Variants in PINX1 observed in about 807,000 individuals in gnomAD.
PINX1 encodes the protein PIN2 (TERF1) interacting telomerase inhibitor 1, also known as PIN2/TERF1-interacting telomerase inhibitor 1.
Under a neutral mutation model 25.4 loss-of-function variants are expected in PINX1, and 34 were observed. That is an observed-to-expected ratio of 1.34 (90% CI 1.02 to 1.78). The LOEUF (loss-of-function observed/expected upper bound fraction) is 1.78. Among genes scored for constraint, PINX1 ranks in the 40% most tolerant of loss-of-function variants. The pLI is 0.00. For synonymous variants in PINX1, 197 were observed against 147.7 expected (o/e 1.33, Z -2.42); for missense variants, 592 against 404.9 (o/e 1.46, Z -3.97).
Position 10,832,937 on chromosome 8 carries a change from T to C in PINX1, c.177A>G (p.Gln59=). The C allele has an allele frequency of 1.2e-6, 2 of 1,612,504 alleles. No individual in the cohort carries two copies. Among genetic ancestry groups the C allele is most frequent in the Non-Finnish European group, 1.7e-6 (2 of 1,179,170 alleles). Residue 59 remains glutamine (Q), a synonymous_variant, in exon 3 of 7, where the codon CAA becomes CAG. Coordinates refer to ENST00000314787, the MANE Select transcript of PINX1 (RefSeq NM_017884.6). Reference sequence around the variant, plus strand: ...CGAGTCCCAGGTGGTTATTTTTCACTTGAACTTTAATATGATCTGTGGCTC... The same window carrying C: ...CGAGTCCCAGGTGGTTATTTTTCACCTGAACTTTAATATGATCTGTGGCTC... ...EQGATDHIKV[Q]VKNNHLGLGA... is the part of the protein sequence containing the mutation.
intron 6 of PINX1, among the ~76,000 whole-genome samples, chr8:10,777,809 G>A (rs945866501): frequency 6.6e-6 from 1 of 152,134 alleles, no homozygotes; most frequent in Admixed American, 6.6e-5. Context: ...TGCCTTGTGC[G>A]ACTGGCTCCT....
rs766628518 is a variant in PINX1 at position 10,765,932 on chromosome 8, G to C, written c.472-16C>G. ...TGGCATCGCCCTATGGTGGGCAGAA[G>C]AGTTAAAAGGCAGGTAAGCATCAAC... On this transcript the variant is annotated splice_polypyrimidine_tract_variant and intron_variant, in intron 6 of 6. Transcript: ENST00000314787. The C allele has an allele frequency of 1.2e-6, 2 of 1,609,338 alleles. No homozygotes were observed. Among genetic ancestry groups the C allele is most frequent in the Non-Finnish European group, 1.7e-6 (2 of 1,178,010 alleles).
intron 6 of PINX1, among the ~76,000 whole-genome samples, chr8:10,795,612 G>C (rs1416007253): frequency 1.3e-5 from 2 of 152,134 alleles, no homozygotes; most frequent in East Asian, 3.8e-4. Context: ...TGTTGGCCAG[G>C]CTGGTCTCGA....
intron 5 of PINX1, 36 bp downstream of exon 5, chr8:10,826,116 G>T (rs778642314): frequency 1.7e-6 from 2 of 1,195,394 alleles, no homozygotes; most frequent in South Asian, 1.3e-5. Context: ...CAAACACGTA[G>T]ATTTCAATAA....
chr8:10,788,051 T>C (rs1452344179), intron 6 of PINX1, among the ~76,000 whole-genome samples: 1 of 152,226 alleles, frequency 6.6e-6, no homozygotes, highest in Admixed American at 6.5e-5. Flanking sequence ...CTGTGTGTTA[T>C]GGAGTCCTTA....
intron 6 of PINX1, among the ~76,000 whole-genome samples, chr8:10,804,083 A>T (rs1464364681): frequency 1.3e-5 from 2 of 152,232 alleles, no homozygotes; most frequent in African/African-American, 4.8e-5. Flanking sequence ...GTACAAAGCC[A>T]TGGCCTCTGT....
At chr8:10,774,561 G>A (rs549478777) in intron 6 of PINX1, among the ~76,000 whole-genome samples, 413 of 152,306 alleles carry the variant, frequency 2.7e-3, no homozygotes, top group African/African-American at 9.2e-3. Flanking sequence ...GATTACAGGC[G>A]TGAGCCACCG....
chr8:10,768,945 C>G (rs571149398), intron 6 of PINX1, among the ~76,000 whole-genome samples: 1 of 152,266 alleles, frequency 6.6e-6, no homozygotes, highest in South Asian at 2.1e-4. Context: ...ATGACAATAA[C>G]TTGCATTTTC....
chr8:10,766,822 G>A (rs1328212514), intron 6 of PINX1, among the ~76,000 whole-genome samples: 1 of 152,180 alleles, frequency 6.6e-6, no homozygotes, highest in African/African-American at 2.4e-5. Context: ...CTTGAGAAGC[G>A]AGAGAAAATT....
chr8:10,812,314 G>A (rs773392152), intron 6 of PINX1, among the ~76,000 whole-genome samples: 3 of 152,164 alleles, frequency 2.0e-5, no homozygotes, highest in African/African-American at 4.8e-5. Context: ...CGAGGAAAAC[G>A]TAAAACTTCA....
chr8:10,776,988 T>C (rs966074616), intron 6 of PINX1, among the ~76,000 whole-genome samples: 7 of 152,254 alleles, frequency 4.6e-5, no homozygotes, highest in Admixed American at 1.3e-4. Flanking sequence ...TTTCCTCCTC[T>C]TCTCCTGCAC....
intron 4 of PINX1, among the ~76,000 whole-genome samples, chr8:10,830,607 A>G (rs766281160): frequency 6.6e-6 from 1 of 152,272 alleles, no homozygotes; most frequent in South Asian, 2.1e-4. Flanking sequence ...CATAAACAAG[A>G]ATGTTTATAA....
chr8:10,832,913 G>C lies in PINX1; in HGVS notation c.201C>G (p.Leu67=). 2 of 1,609,902 alleles carry C rather than the reference G, an allele frequency of 1.2e-6. No homozygotes were observed. The change falls in exon 3 of 7, where the codon CTC becomes CTG. Residue 67 remains leucine, a synonymous_variant. Transcript: ENST00000314787. ...TCACTTCATTATTGATGGTAGCTCC[G>C]AGTCCCAGGTGGTTATTTTTCACTT... The part of the protein sequence containing the change: ...KVQVKNNHLG[L]GATINNEDNW...
At chr8:10,830,029 G>A (rs973343834) in intron 4 of PINX1, among the ~76,000 whole-genome samples, 11 of 152,178 alleles carry the variant, frequency 7.2e-5, no homozygotes, top group Non-Finnish European at 1.0e-4. Context: ...TAAATATCAA[G>A]ATGTTTTCTG....
At chr8:10,815,224 G>A (rs1048974248) in intron 6 of PINX1, among the ~76,000 whole-genome samples, 4 of 152,172 alleles carry the variant, frequency 2.6e-5, no homozygotes, top group Non-Finnish European at 4.4e-5. Flanking sequence ...TTATAGGCAC[G>A]AGCCACTGTG....
chr8:10,774,556 C>A (rs1801328865), intron 6 of PINX1, among the ~76,000 whole-genome samples: 1 of 152,220 alleles, frequency 6.6e-6, no homozygotes, highest in South Asian at 2.1e-4. Flanking sequence ...GCTGGGATTA[C>A]AGGCGTGAGC....
intron 6 of PINX1, among the ~76,000 whole-genome samples, chr8:10,812,225 C>T (rs1335484316): frequency 1.3e-5 from 2 of 152,124 alleles, no homozygotes; most frequent in African/African-American, 2.4e-5. Flanking sequence ...CTGAATAAAG[C>T]GCATAAGTAG....
intron 6 of PINX1, among the ~76,000 whole-genome samples, chr8:10,807,481 T>C (rs994965791): frequency 1.3e-5 from 2 of 151,792 alleles, no homozygotes; most frequent in Non-Finnish European, 1.5e-5. Context: ...CCAGAACTCA[T>C]GAAAGGATAT....
intron 6 of PINX1, among the ~76,000 whole-genome samples, chr8:10,772,072 T>C (rs554789323): frequency 3.3e-5 from 5 of 152,370 alleles, no homozygotes; most frequent in Admixed American, 2.0e-4. Context: ...ACGTTCTTTT[T>C]GTGGGATTAG....
Sources: allele counts gnomAD v4.1 joint callset (sites outside exome capture counted in the v4.1 genomes callset), GRCh38; gene constraint gnomAD v4.1.1; transcripts MANE v1.5; gene names NCBI Gene and HGNC (gene_info 2026-07-23, HGNC 2026-07-21).